Variants in FAM161B observed in about 807,000 individuals in gnomAD.
FAM161B encodes protein FAM161B.
A neutral mutation model predicts 61.5 loss-of-function variants in FAM161B; 46 were observed. The observed-to-expected ratio is 0.75, with a 90% CI of 0.59 to 0.96. The LOEUF is 0.96. FAM161B is among the 40% of genes least tolerant of loss of function. The pLI, the probability that FAM161B is intolerant of heterozygous loss-of-function variation, is 0.00. For missense variants in FAM161B, 774 were observed against 800.7 expected, an observed-to-expected ratio of 0.97 and a Z score of 0.40; for synonymous variants, 284 against 302.7, an observed-to-expected ratio of 0.94 and a Z score of 0.64.
At chr14:73,932,150 T>C, downstream of FAM161B, 1 of 374,146 alleles carries the variant, frequency 2.7e-6, no homozygotes, top group South Asian at 2.0e-5. Context: ...TTGGTCACTT[T>C]GCTTTCTTCG....
chr14:73,932,353 G>T lies in FAM161B; in HGVS notation c.*1903C>A, dbSNP rs554513909. ...ATTTAATCTTTCCCTTTAAAATAGT[G>T]TATTGATTTACCCTTAGGATTCCAT... is the stretch of plus-strand genomic sequence containing the variant. On this transcript the variant is annotated 3_prime_UTR_variant, in exon 9 of 9. Transcript: ENST00000286544. The T allele has an allele frequency of 2.6e-6, 1 of 392,154 alleles. No homozygotes were observed. The highest frequency in any genetic ancestry group is 4.9e-6 in the Non-Finnish European group (1 of 202,624). The allele number at this position is 392,154 out of a possible 1,614,324, so 24.3% of individuals were successfully genotyped here.
intron 8 of FAM161B, 85 bp from the exon 9 acceptor site, chr14:73,934,479 G>A: frequency 7.4e-7 from 1 of 1,342,942 alleles, no homozygotes; most frequent in Non-Finnish European, 1.0e-6. Context: ...GAGTGCAGTG[G>A]CATGATCTCA....
chr14:73,942,701 T>G lies in FAM161B; in HGVS notation c.940A>C (p.Arg314=). 6.2e-7 allele frequency: 1 copy of G among 1,612,558 alleles called. No homozygotes were observed. The highest frequency in any genetic ancestry group is 8.5e-7 in the Non-Finnish European group (1 of 1,178,788). Residue 314 remains arginine, a synonymous_variant, in exon 4 of 9, where the codon AGG becomes CGG. Coordinates refer to ENST00000286544, the MANE Select transcript of FAM161B (RefSeq NM_152445.3). Reference sequence around the variant, plus strand: ...GCTCTCATTTGGATGCGAATTTTCCTGAAGAGCTCAGCTTCTGTGGAGAAA... The same window carrying G: ...GCTCTCATTTGGATGCGAATTTTCCGGAAGAGCTCAGCTTCTGTGGAGAAA... ...GDKLQEAELF[R]KIRIQMRALD...
intron 4 of FAM161B, 88 bp downstream of exon 4, chr14:73,942,281 T>C: frequency 1.5e-6 from 2 of 1,343,332 alleles, no homozygotes; most frequent in Non-Finnish European, 2.0e-6. Context: ...AGGAAAACCT[T>C]GTTGAGAAGT....
chr14:73,937,694 C>CA lies in FAM161B; in HGVS notation c.1572dup (p.Asp525Ter). 6.2e-7 allele frequency: 1 copy of CA among 1,612,592 alleles called. No individual in the cohort carries two copies. Among genetic ancestry groups the CA allele is most frequent in the Non-Finnish European group, 8.5e-7 (1 of 1,179,758 alleles). On this transcript the variant is annotated frameshift_variant, in exon 7 of 9. Coordinates refer to ENST00000286544, the MANE Select transcript of FAM161B (RefSeq NM_152445.3). LOFTEE classifies it high-confidence loss of function. The stretch of plus-strand genomic sequence containing the variant: ...TTATATTCTTTCGCTCTTTTACGGT[C>CA]ATTGTTCCTGGAATTAGCAAGACTT...
In FAM161B at chr14:73,944,425, C is replaced by T; in HGVS notation, c.835G>A (p.Ala279Thr). 1 of 1,613,180 alleles carries T rather than the reference C, an allele frequency of 6.2e-7. No individual in the cohort carries two copies. Among genetic ancestry groups the T allele is most frequent in the Non-Finnish European group, 8.5e-7 (1 of 1,179,236 alleles). ...KEAARQRDLAATAEAKISKQK... is the reference protein window; with the variant it reads ...KEAARQRDLATTAEAKISKQK... ...TTGGAGATCTTGGCTTCAGCTGTGG[C>T]TGCCAAGTCTCTCTGTCGAGCAGCT... The change falls in exon 3 of 9, where the codon GCC (alanine) becomes ACC (threonine). Residue 279 changes from alanine to threonine, a missense_variant. By Grantham distance (58) the Ala-to-Thr change is moderately conservative. Coordinates refer to ENST00000286544, the MANE Select transcript of FAM161B (RefSeq NM_152445.3).
At chr14:73,944,247 C>A in intron 3 of FAM161B, 88 bp downstream of exon 3, 1 of 1,511,528 alleles carries the variant, frequency 6.6e-7, no homozygotes, top group South Asian at 1.4e-5. Context: ...ATCTCCAAGC[C>A]AGGCAGATCC....
Position 73,944,422 on chromosome 14 carries a change from T to C in FAM161B, c.838A>G (p.Thr280Ala), listed in dbSNP as rs149769426. 3.8e-4 allele frequency: 609 copies of C among 1,612,952 alleles called. No individual in the cohort carries two copies. The highest frequency in any genetic ancestry group is 4.9e-4 in the Middle Eastern group (3 of 6,076). Reference sequence around the variant, plus strand: ...TGCTTGGAGATCTTGGCTTCAGCTGTGGCTGCCAAGTCTCTCTGTCGAGCA... The same window carrying C: ...TGCTTGGAGATCTTGGCTTCAGCTGCGGCTGCCAAGTCTCTCTGTCGAGCA... ...EAARQRDLAA[T>A]AEAKISKQKA... Residue 280 changes from threonine (T) to alanine (A), a missense_variant, in exon 3 of 9, where the codon ACA becomes GCA. Coordinates refer to ENST00000286544, the MANE Select transcript of FAM161B (RefSeq NM_152445.3).
At chr14:73,925,997 G>A in the FAM161B span, among the ~76,000 whole-genome samples, 2 of 152,170 alleles carry the variant, frequency 1.3e-5, no homozygotes, top group Admixed American at 1.3e-4. Context: ...CTGTGCCACT[G>A]TACTCCAGCC....
At chr14:73,931,566 G>A, downstream of FAM161B, 2 of 1,609,192 alleles carry the variant, frequency 1.2e-6, no homozygotes, top group Non-Finnish European at 1.7e-6. Flanking sequence ...TCCTGGAAGA[G>A]CAACTCTATC....
chr14:73,941,861 G>A (rs555703511), intron 4 of FAM161B, among the ~76,000 whole-genome samples: 3 of 152,020 alleles, frequency 2.0e-5, no homozygotes, highest in South Asian at 2.1e-4. Context: ...GCCCGCCACC[G>A]CACCCAGCTA....
In FAM161B at chr14:73,932,467, A is replaced by G. The variant is rs1459696216; in HGVS notation, c.*1789T>C. 4.4e-6 allele frequency: 2 copies of G among 454,236 alleles called. No homozygotes were observed. Among genetic ancestry groups the G allele is most frequent in the Non-Finnish European group, 8.8e-6 (2 of 226,520 alleles). The allele number at this position is 454,236 out of a possible 1,614,324, so 28.1% of individuals were successfully genotyped here. A position where few individuals can be genotyped will look rare whatever the true frequency, so the allele number is the denominator to read the frequency against. ...GGTGATAGTTACTCTGTCACCACCA[A>G]AAAAGACGCATCTGAGAAAATGGCA... On this transcript the variant is annotated 3_prime_UTR_variant, in exon 9 of 9. Coordinates refer to ENST00000286544, the MANE Select transcript of FAM161B (RefSeq NM_152445.3).
In FAM161B at chr14:73,946,542, C is replaced by T; in HGVS notation, c.118G>A (p.Val40Ile). Residue 40 changes from valine to isoleucine, a missense_variant, in exon 2 of 9, where the codon GTT (valine) becomes ATT (isoleucine). Transcript: ENST00000286544. Reference sequence around the variant, plus strand: ...TCAAGTTTGCTGGCCCTGGGCAAAACCAGCCCATCCCCGGACAGCTCCTCT... The same window carrying T: ...TCAAGTTTGCTGGCCCTGGGCAAAATCAGCCCATCCCCGGACAGCTCCTCT... ...AGEELSGDGL[V>I]LPRASKLDEF... 6.2e-7 allele frequency: 1 copy of T among 1,614,190 alleles called. No individual in the cohort carries two copies.
chr14:73,929,043 A>C (rs563485575), downstream of FAM161B, among the ~76,000 whole-genome samples: 110 of 152,330 alleles, frequency 7.2e-4, no homozygotes, highest in African/African-American at 2.5e-3. Context: ...TTAACAACAC[A>C]AAAGGGAAAG....
At position 73,949,897 on chromosome 14, in the gene FAM161B, T is replaced by C. The variant is rs11621743; in HGVS notation, c.54+76A>G. 604,221 of 1,577,430 alleles carry C rather than the reference T, an allele frequency of 0.38. 124,686 individuals carry two copies. Among genetic ancestry groups the C allele is most frequent in the Non-Finnish European group, 0.43 (493,971 of 1,161,452 alleles). Reference sequence around the variant, plus strand: ...GCCCCTCCGTGACACGCCCCTGCTGTCTGTCTCCAAGGCAACGCCCAACAG... The same window carrying C: ...GCCCCTCCGTGACACGCCCCTGCTGCCTGTCTCCAAGGCAACGCCCAACAG... On this transcript the variant is annotated intron_variant, in intron 1 of 8. Transcript: ENST00000286544.
In FAM161B at chr14:73,946,395, A is replaced by C. The variant is rs2056066953; in HGVS notation, c.265T>G (p.Ser89Ala). The C allele has an allele frequency of 6.2e-7, 1 of 1,614,138 alleles. No individual in the cohort carries two copies. The change falls in exon 2 of 9, where the codon TCT becomes GCT. Residue 89 changes from serine to alanine, a missense_variant. Transcript: ENST00000286544. ...RWCLLESLFQ[S>A]DPESDENLSE... Reference sequence around the variant, plus strand: ...AGGTTTTCATCACTCTCTGGGTCAGACTGAAAGAGAGACTCCAACAGACAC... The same window carrying C: ...AGGTTTTCATCACTCTCTGGGTCAGCCTGAAAGAGAGACTCCAACAGACAC...
At chr14:73,949,519 AT>A (rs35341495) in intron 1 of FAM161B, among the ~76,000 whole-genome samples, 110 of 138,460 alleles carry the variant, frequency 7.9e-4, no homozygotes, top group East Asian at 1.3e-3. Context: ...CGCCTGGCCA[AT>A]TTTTTTTTTT....
chr14:73,937,842 G>A (rs1245803618), intron 6 of FAM161B, 106 bp downstream of exon 6: 3 of 1,567,772 alleles, frequency 1.9e-6, no homozygotes, highest in Admixed American at 3.7e-5. Context: ...TGTGATTACA[G>A]GAGCCTACCT....
intron 3 of FAM161B, among the ~76,000 whole-genome samples, chr14:73,943,076 T>A (rs2056033498): frequency 6.6e-6 from 1 of 152,098 alleles, no homozygotes; most frequent in Non-Finnish European, 1.5e-5. Context: ...GCAGAGGAAG[T>A]GGGCCAGTAA....
Sources: gnomAD v4.1 joint callset for allele counts (sites outside exome capture counted in the v4.1 genomes callset) on GRCh38, gnomAD v4.1.1 for gene constraint, MANE v1.5 for transcripts, NCBI Gene and HGNC (gene_info 2026-07-23, HGNC 2026-07-21) for gene names.